Variants in ASZ1 observed in about 807,000 individuals in gnomAD.
ASZ1 encodes ankyrin repeat, SAM and basic leucine zipper domain containing 1.
ASZ1 carries 67 observed loss-of-function variants against 61.8 expected under a neutral mutation model. The ratio of observed to expected loss-of-function variants is 1.08; its 90% CI spans 0.89 to 1.33. The LOEUF (loss-of-function observed/expected upper bound fraction) is 1.33, where lower values mean the gene tolerates loss of function less well. ASZ1 is among the 40% of genes most tolerant of loss of function. The probability of loss-of-function intolerance (pLI) is 0.00; values close to 1 mark genes in which losing one functional copy is unlikely to be tolerated. For missense variants in ASZ1, 577 were observed against 554.5 expected (o/e 1.04, Z -0.41); for synonymous variants, 193 against 192.7 (o/e 1.00, Z -0.01).
Position 117,385,689 on chromosome 7 carries a change from GT to G in ASZ1, c.552+8del, listed in dbSNP as rs1385072203. The G allele has an allele frequency of 6.4e-7, 1 of 1,561,332 alleles. No individual in the cohort carries two copies. Among genetic ancestry groups the G allele is most frequent in the African/African-American group, 1.4e-5 (1 of 73,482 alleles). On this transcript the variant is annotated splice_region_variant and intron_variant, in intron 5 of 12. Transcript: ENST00000284629. ...AAACAAAAAGAAACATTGTAAAAAT[GT>G]TTCTCACAGTGTAACCATTCTCATC...
chr7:117,408,111 T>G (rs1213512020), intron 4 of ASZ1, among the ~76,000 whole-genome samples: 1 of 152,126 alleles, frequency 6.6e-6, no homozygotes, highest in East Asian at 1.9e-4. Flanking sequence ...CCATTGGTAA[T>G]TAGCTCAATC....
At chr7:117,380,368 T>G (rs534029765) in intron 9 of ASZ1, among the ~76,000 whole-genome samples, 9 of 151,906 alleles carry the variant, frequency 5.9e-5, no homozygotes, top group Non-Finnish European at 1.3e-4. Flanking sequence ...TTCCTTCAAA[T>G]TTTTATTTAA....
intron 4 of ASZ1, among the ~76,000 whole-genome samples, chr7:117,408,376 A>G (rs73213829): frequency 1.9e-3 from 283 of 152,312 alleles, no homozygotes; most frequent in Non-Finnish European, 3.1e-3. Context: ...TCATTCAATA[A>G]ATTACAAGGC....
intron 7 of ASZ1, 129 bp from the exon 8 acceptor site, chr7:117,382,273 C>A: frequency 1.6e-6 from 1 of 632,036 alleles, no homozygotes; most frequent in South Asian, 2.0e-5. Context: ...AATCTGCACA[C>A]CAGACCTATG....
In ASZ1 at chr7:117,385,786, T is replaced by C. The variant is rs1219696181; in HGVS notation, c.464A>G (p.Tyr155Cys). The change falls in exon 5 of 13, where the codon TAT becomes TGT. Residue 155 changes from tyrosine to cysteine, a missense_variant. Coordinates refer to ENST00000284629, the MANE Select transcript of ASZ1 (RefSeq NM_130768.3). ...CTGGGTGTGACCATCTCGAGCAGCA[T>C]ACATGATTGGGGTCATAAGTCTCCT... ...ACRRLMTPIM[Y>C]AARDGHTQVV... 1 of 1,613,500 alleles carries C rather than the reference T, an allele frequency of 6.2e-7. No individual in the cohort carries two copies. Among genetic ancestry groups the C allele is most frequent in the Admixed American group, 1.7e-5 (1 of 59,942 alleles).
At chr7:117,377,885 C>G (rs55680750) in intron 10 of ASZ1, among the ~76,000 whole-genome samples, 19,174 of 151,846 alleles carry the variant, frequency 0.13, 2,791 homozygotes, top group African/African-American at 0.36. Flanking sequence ...TATACCCACA[C>G]AAATATGTGC....
At chr7:117,375,751 C>A (rs995167786) in intron 10 of ASZ1, among the ~76,000 whole-genome samples, 1 of 151,628 alleles carries the variant, frequency 6.6e-6, no homozygotes, top group Non-Finnish European at 1.5e-5. Flanking sequence ...GAGGGAGTCT[C>A]AAAGAAAATA....
intron 10 of ASZ1, among the ~76,000 whole-genome samples, chr7:117,374,307 T>G (rs1163888745): frequency 1.3e-5 from 2 of 152,106 alleles, no homozygotes; most frequent in Non-Finnish European, 2.9e-5. Flanking sequence ...CCATTGCATT[T>G]GCAAGTATAG....
chr7:117,371,227 A>G (rs1796045601), intron 10 of ASZ1, among the ~76,000 whole-genome samples: 2 of 152,212 alleles, frequency 1.3e-5, no homozygotes, highest in Non-Finnish European at 2.9e-5. Context: ...AAAGGTTATA[A>G]AAAGCAAGCA....
At chr7:117,396,273 G>C (rs1796573884) in intron 4 of ASZ1, among the ~76,000 whole-genome samples, 1 of 152,166 alleles carries the variant, frequency 6.6e-6, no homozygotes, top group Non-Finnish European at 1.5e-5. Flanking sequence ...ACTACATCTT[G>C]TATTTTTCTT....
At chr7:117,368,166 A>T (rs1795979418) in intron 11 of ASZ1, 1 of 804,144 alleles carries the variant, frequency 1.2e-6, no homozygotes, top group South Asian at 5.7e-5. Context: ...GCCTCAAGCA[A>T]TTCTCCCACG....
chr7:117,382,507 C>T lies in ASZ1; in HGVS notation c.813-363G>A, dbSNP rs75130851. 2.1e-3 allele frequency among the ~76,000 whole-genome samples: 319 copies of T among 150,534 alleles called. 2 individuals are homozygous for T. The highest frequency in any genetic ancestry group is 0.017 in the Middle Eastern group (5 of 294). Reference sequence around the variant, plus strand: ...CAGGTGTTTGAGGCAAAAAAACCCACAAAAAACAAAAAATGAAAAAAAACC... The same window carrying T: ...CAGGTGTTTGAGGCAAAAAAACCCATAAAAAACAAAAAATGAAAAAAAACC... On this transcript the variant is annotated intron_variant, in intron 7 of 12. Coordinates refer to ENST00000284629, the MANE Select transcript of ASZ1 (RefSeq NM_130768.3).
rs530624760 is a variant in ASZ1, at chr7:117,403,731, C to T, written c.440+16432G>A. Among the ~76,000 whole-genome samples, 10 of 152,208 alleles carry T rather than the reference C, an allele frequency of 6.6e-5. No homozygotes were observed. In the East Asian group the frequency reaches 1.9e-3, roughly 29 times the overall value. The stretch of plus-strand genomic sequence containing the variant: ...TGTTACCATATATGAGTGCACTTGG[C>T]TCCAGTATCCACTATAGCAGGGGTC... On this transcript the variant is annotated intron_variant, in intron 4 of 12. Coordinates refer to ENST00000284629, the MANE Select transcript of ASZ1 (RefSeq NM_130768.3).
intron 10 of ASZ1, among the ~76,000 whole-genome samples, chr7:117,375,347 C>T (rs1796118157): frequency 6.6e-6 from 1 of 151,998 alleles, no homozygotes; most frequent in South Asian, 2.1e-4. Flanking sequence ...TCTATTAATG[C>T]AGCCTAACAG....
chr7:117,388,981 T>C, intron 4 of ASZ1, among the ~76,000 whole-genome samples: 1 of 152,214 alleles, frequency 6.6e-6, no homozygotes, highest in East Asian at 1.9e-4. Context: ...TTCTTCATGC[T>C]AGCAATGAAC....
chr7:117,369,354 A>G (rs1476647636), intron 10 of ASZ1, among the ~76,000 whole-genome samples: 1 of 152,218 alleles, frequency 6.6e-6, no homozygotes, highest in Non-Finnish European at 1.5e-5. Context: ...AAGGCTGGAT[A>G]TAACCATTTA....
intron 8 of ASZ1, 60 bp downstream of exon 8, chr7:117,382,006 CATT>C: frequency 9.4e-7 from 1 of 1,066,908 alleles, no homozygotes; most frequent in Non-Finnish European, 1.4e-6. Context: ...TAATATCTAA[CATT>C]ATATTAACCA....
At chr7:117,398,798 T>C (rs1584732842) in intron 4 of ASZ1, among the ~76,000 whole-genome samples, 1 of 152,198 alleles carries the variant, frequency 6.6e-6, no homozygotes, top group East Asian at 1.9e-4. Flanking sequence ...CTGGTTAAAA[T>C]ATTTCTAGAT....
rs1047900467 is a variant in ASZ1, at chr7:117,381,934, G to T, written c.888+135C>A. On this transcript the variant is annotated intron_variant, in intron 8 of 12. Coordinates refer to ENST00000284629, the MANE Select transcript of ASZ1 (RefSeq NM_130768.3). ...AATGTTTTTCACAAATTTAAAATTGGGATGTACTACAAATTATGGTGAAAA... is the reference window on the plus strand; with the variant it reads ...AATGTTTTTCACAAATTTAAAATTGTGATGTACTACAAATTATGGTGAAAA... The T allele has an allele frequency of 6.6e-6, 4 of 606,668 alleles. No homozygotes were observed. The Admixed American group carries it at 1.2e-4, about 19-fold the overall frequency. 37.6% of individuals were successfully genotyped at this position (606,668 alleles called of 1,614,324 possible). A position where few individuals can be genotyped will look rare whatever the true frequency, so the allele number is the denominator to read the frequency against.
Sources: gnomAD v4.1 joint callset for allele counts (sites outside exome capture counted in the v4.1 genomes callset) on GRCh38, gnomAD v4.1.1 for gene constraint, MANE v1.5 for transcripts, NCBI Gene and HGNC (gene_info 2026-07-23, HGNC 2026-07-21) for gene names.